Variants in SLC36A1 observed in about 807,000 individuals in gnomAD.
The protein encoded by SLC36A1 is solute carrier family 36 member 1.
Under a neutral mutation model 47.5 loss-of-function variants are expected in SLC36A1, and 30 were observed. The observed-to-expected ratio is 0.63, with a 90% CI of 0.47 to 0.86. The LOEUF (loss-of-function observed/expected upper bound fraction) is 0.86. SLC36A1 is among the 40% of genes least tolerant of loss of function. The probability of loss-of-function intolerance (pLI) is 0.00; values close to 1 mark genes in which losing one functional copy is unlikely to be tolerated. For missense variants in SLC36A1, 517 were observed against 606.0 expected (o/e 0.85, Z 1.54); for synonymous variants, 255 against 249.7 (o/e 1.02, Z -0.20).
At chr5:151,501,418 CA>C in the SLC36A1 span, among the ~76,000 whole-genome samples, 1 of 149,432 alleles carries the variant, frequency 6.7e-6, no homozygotes, top group African/African-American at 2.6e-5. Flanking sequence ...CTGGTGAAGT[CA>C]CATTTAGCTG....
the SLC36A1 span, among the ~76,000 whole-genome samples, chr5:151,423,872 AGTGAGTGT>A: frequency 6.6e-6 from 1 of 152,248 alleles, no homozygotes; most frequent in African/African-American, 2.4e-5. Flanking sequence ...TGGGAGAGGC[AGTGAGTGT>A]GTGTAGGGAG....
intron 1 of SLC36A1, among the ~76,000 whole-genome samples, chr5:151,437,919 C>T (rs1161751121): frequency 1.3e-5 from 2 of 152,066 alleles, no homozygotes; most frequent in Non-Finnish European, 2.9e-5. Flanking sequence ...TAGAGGCCTC[C>T]TGCGTTTCCT....
At chr5:151,514,392 T>C in the SLC36A1 span, among the ~76,000 whole-genome samples, 1 of 152,198 alleles carries the variant, frequency 6.6e-6, no homozygotes, top group Non-Finnish European at 1.5e-5. Flanking sequence ...CCATAGTCAA[T>C]CATCCTAACT....
the SLC36A1 span, among the ~76,000 whole-genome samples, chr5:151,538,235 T>C: frequency 0.13 from 19,887 of 152,002 alleles, 1,572 homozygotes; most frequent in East Asian, 0.38. Flanking sequence ...AATGGAGAAG[T>C]TCTGTCATCC....
Position 151,487,994 on chromosome 5 carries a change from A to G in SLC36A1, c.1171A>G (p.Ile391Val). Residue 391 changes from isoleucine (I) to valine (V), a missense_variant, in exon 11 of 11, where the codon ATC (isoleucine) becomes GTC (valine). Coordinates refer to ENST00000243389, the MANE Select transcript of SLC36A1 (RefSeq NM_078483.4). Reference protein sequence around the residue: ...VLVCLTCILAILIPRLDLVIS... With the variant: ...VLVCLTCILAVLIPRLDLVIS... ...CTCTCTCCCTGCAGGCATCTTGGCC[A>G]TCCTCATCCCCCGCCTGGACCTGGT... is the stretch of plus-strand genomic sequence containing the variant. 1.2e-6 allele frequency: 2 copies of G among 1,614,044 alleles called. No homozygotes were observed. The highest frequency in any genetic ancestry group is 1.3e-5 in the African/African-American group (1 of 75,038).
chr5:151,521,178 G>T, the SLC36A1 span: 1 of 1,315,144 alleles, frequency 7.6e-7, no homozygotes, highest in Non-Finnish European at 1.0e-6. Flanking sequence ...AAACTTCCCT[G>T]AACTCTCCCA....
At chr5:151,417,238 T>G in the SLC36A1 span, among the ~76,000 whole-genome samples, 1 of 152,192 alleles carries the variant, frequency 6.6e-6, no homozygotes, top group Non-Finnish European at 1.5e-5. Flanking sequence ...TGGAACAGTT[T>G]GGAGGGCTCA....
In SLC36A1 at chr5:151,488,568, G is replaced by A. The variant is rs953611004; in HGVS notation, c.*314G>A. On this transcript the variant is annotated 3_prime_UTR_variant, in exon 11 of 11. Transcript: ENST00000243389. ...TGCCTCCCCTCTGCTGGTGCACCTCGCCCAACTCATTCTTACTGCACAGTT... is the reference window on the plus strand; with the variant it reads ...TGCCTCCCCTCTGCTGGTGCACCTCACCCAACTCATTCTTACTGCACAGTT... The A allele has an allele frequency of 1.6e-4, 62 of 397,052 alleles. No individual in the cohort carries two copies. The highest frequency in any genetic ancestry group is 9.1e-4 in the African/African-American group (45 of 49,608). 24.6% of individuals were successfully genotyped at this position (397,052 alleles called of 1,614,324 possible). A position where few individuals can be genotyped will look rare whatever the true frequency, so the allele number is the denominator to read the frequency against.
At chr5:151,529,119 G>C in the SLC36A1 span, 7 of 1,441,594 alleles carry the variant, frequency 4.9e-6, no homozygotes, top group Non-Finnish European at 6.8e-6. Flanking sequence ...GTGTGGGGGT[G>C]AGATAAGAAC....
chr5:151,515,525 GATCTCCCCTCCCCAAACC>G, the SLC36A1 span, among the ~76,000 whole-genome samples: 1 of 152,112 alleles, frequency 6.6e-6, no homozygotes, highest in Non-Finnish European at 1.5e-5. Flanking sequence ...ACTGCACTCT[GATCTCCCCTCCCCAAACC>G]TTGTATCCAC....
the SLC36A1 span, chr5:151,512,717 G>A: frequency 2.0e-6 from 2 of 998,428 alleles, no homozygotes; most frequent in Admixed American, 2.7e-5. This position sits in a 1 kb window ranked among gnomAD's most constrained non-coding sequence, Gnocchi z 4.1. Flanking sequence ...TAGGAGGGGG[G>A]TGTTTGGCTG....
chr5:151,479,229 CA>C, intron 9 of SLC36A1, 90 bp from the exon 10 acceptor site: 1 of 1,401,352 alleles, frequency 7.1e-7, no homozygotes, highest in Admixed American at 1.9e-5. Flanking sequence ...TGATAAGTGT[CA>C]ACAAATCGCA....
At chr5:151,469,785 T>G (rs1311314859) in intron 7 of SLC36A1, among the ~76,000 whole-genome samples, 1 of 151,162 alleles carries the variant, frequency 6.6e-6, no homozygotes, top group Non-Finnish European at 1.5e-5. Context: ...GATATATGTA[T>G]GATATATTAG....
At chr5:151,388,166 A>C in the SLC36A1 span, among the ~76,000 whole-genome samples, 1 of 152,084 alleles carries the variant, frequency 6.6e-6, no homozygotes, top group Non-Finnish European at 1.5e-5. Context: ...TTTACAATCT[A>C]TTCTCTCTGA....
At chr5:151,413,689 G>T in the SLC36A1 span, among the ~76,000 whole-genome samples, 1 of 151,970 alleles carries the variant, frequency 6.6e-6, no homozygotes, top group Non-Finnish European at 1.5e-5. Context: ...GTTTAAGAAA[G>T]AGCTGTGTTG....
intron 10 of SLC36A1, among the ~76,000 whole-genome samples, chr5:151,483,522 G>GT (rs1168765188): frequency 1.5e-5 from 2 of 130,694 alleles, no homozygotes; most frequent in African/African-American, 8.1e-5. Context: ...GTGTGTGGGG[G>GT]GGGTGATTAG....
At chr5:151,448,581 A>AT (rs902106614) in intron 1 of SLC36A1, among the ~76,000 whole-genome samples, 1 of 152,232 alleles carries the variant, frequency 6.6e-6, no homozygotes, top group Non-Finnish European at 1.5e-5. Flanking sequence ...TTCTGGGAAG[A>AT]TAGGTGGCTG....
chr5:151,363,844 T>G, the SLC36A1 span, among the ~76,000 whole-genome samples: 51,891 of 152,028 alleles, frequency 0.34, 11,646 homozygotes, highest in African/African-American at 0.63. Flanking sequence ...AAGAGATCAC[T>G]TTTACTGTAA....
At chr5:151,534,970 A>ATATATATATATATATAT in the SLC36A1 span, among the ~76,000 whole-genome samples, 31 of 106,396 alleles carry the variant, frequency 2.9e-4, no homozygotes, top group Non-Finnish European at 5.8e-4. Flanking sequence ...CTTCTAGGAA[A>ATATATATATATATATAT]ATATATATAT....
Sources: allele counts gnomAD v4.1 joint callset (sites outside exome capture counted in the v4.1 genomes callset), GRCh38; gene constraint gnomAD v4.1.1; non-coding constraint Gnocchi (gnomAD v3.1); transcripts MANE v1.5; gene names NCBI Gene and HGNC (gene_info 2026-07-23, HGNC 2026-07-21).